The following MAN2A1 variants were observed in gnomAD, a reference collection of about 807,000 sequenced individuals.
MAN2A1 encodes alpha-mannosidase 2.
In MAN2A1, 76 loss-of-function variants were observed where a neutral mutation model predicts 142.6. The observed-to-expected ratio is 0.53, with a 90% confidence interval of 0.44 to 0.65. The LOEUF (loss-of-function observed/expected upper bound fraction) is 0.65, where lower values mean the gene tolerates loss of function less well. Among genes scored for constraint, MAN2A1 ranks in the 30% least tolerant of loss-of-function variants. The pLI is 0.00. For synonymous variants in MAN2A1, 559 were observed against 473.2 expected (o/e 1.18, Z -2.35); for missense variants, 1,311 against 1,365.1 (o/e 0.96, Z 0.62).
At chr5:109,842,235 T>G in intron 16 of MAN2A1, 93 bp from the exon 17 acceptor site, 1 of 714,308 alleles carries the variant, frequency 1.4e-6, no homozygotes, top group Non-Finnish European at 2.2e-6. Context: ...AACAAGAAAA[T>G]GTAACTTTGG....
In MAN2A1 at chr5:109,690,304, C is replaced by G; in HGVS notation, c.-114C>G. The G allele has an allele frequency of 9.0e-7, 1 of 1,116,832 alleles. No homozygotes were observed. The highest frequency in any genetic ancestry group is 1.3e-5 in the South Asian group (1 of 75,746). 69.2% of individuals were successfully genotyped at this position (1,116,832 alleles called of 1,614,324 possible). A position where few individuals can be genotyped will look rare whatever the true frequency, so the allele number is the denominator to read the frequency against. The stretch of plus-strand genomic sequence containing the variant: ...GGACTCGCACCCGCATCCGAGAGCG[C>G]GGAGGTCGCGCAGCCCGGGAGAAGG... On this transcript the variant is annotated 5_prime_UTR_variant, in exon 1 of 22. Coordinates refer to ENST00000261483, the MANE Select transcript of MAN2A1 (RefSeq NM_002372.4).
intron 5 of MAN2A1, among the ~76,000 whole-genome samples, chr5:109,763,956 C>A (rs988635274): frequency 6.6e-6 from 1 of 151,968 alleles, no homozygotes; most frequent in African/African-American, 2.4e-5. Context: ...TGCTTGTCAC[C>A]GCACCTGGCT....
chr5:109,710,457 A>G (rs549316477), intron 1 of MAN2A1, among the ~76,000 whole-genome samples: 12 of 152,254 alleles, frequency 7.9e-5, no homozygotes, highest in East Asian at 7.7e-4. Context: ...GTGGGCACTC[A>G]TGTATTAAGT....
chr5:109,840,256 G>A (rs1294150077), intron 16 of MAN2A1: 1 of 277,912 alleles, frequency 3.6e-6, no homozygotes. Flanking sequence ...CAAGCAATTT[G>A]AAGAGTTTTT....
chr5:109,819,673 C>G lies in MAN2A1; in HGVS notation c.2114C>G (p.Ser705Cys), dbSNP rs368781576. The change falls in exon 14 of 22, where the codon TCT (serine) becomes TGT (cysteine). Residue 705 changes from serine (S) to cysteine (C), a missense_variant. Around this residue, in one of 3 missense-constraint regions of MAN2A1, gnomAD observed 890 missense variants for 920.5 expected, o/e 0.97. Coordinates refer to ENST00000261483, the MANE Select transcript of MAN2A1 (RefSeq NM_002372.4). ...NTISETAYEI[S>C]FRAHIPPLGL... ...TCCCTTCCCTATCTTTTAAAGATCT[C>G]TTTTCGAGCACATATACCGCCATTG... The G allele has an allele frequency of 6.4e-7, 1 of 1,562,756 alleles. No homozygotes were observed. Among genetic ancestry groups the G allele is most frequent in the Non-Finnish European group, 8.7e-7 (1 of 1,155,826 alleles).
chr5:109,700,485 C>G (rs191266458), intron 1 of MAN2A1, among the ~76,000 whole-genome samples: 148 of 152,172 alleles, frequency 9.7e-4, no homozygotes, highest in African/African-American at 3.0e-3. Flanking sequence ...TTTATGGGTC[C>G]TGGCCTTGGT....
At chr5:109,769,621 T>C (rs1228498945) in intron 6 of MAN2A1, among the ~76,000 whole-genome samples, 2 of 152,244 alleles carry the variant, frequency 1.3e-5, no homozygotes, top group Non-Finnish European at 2.9e-5. Flanking sequence ...GATAACATTG[T>C]AGTTTTAATT....
At chr5:109,800,963 C>T (rs1345956977) in intron 12 of MAN2A1, among the ~76,000 whole-genome samples, 1 of 152,168 alleles carries the variant, frequency 6.6e-6, no homozygotes, top group Admixed American at 6.5e-5. Context: ...AGAATCATCT[C>T]GCATTCATTG....
At chr5:109,813,705 A>G (rs181378383) in intron 12 of MAN2A1, among the ~76,000 whole-genome samples, 109 of 152,356 alleles carry the variant, frequency 7.2e-4, no homozygotes, top group African/African-American at 2.6e-3. Flanking sequence ...GATTTACCTC[A>G]AAGAGAAAAT....
intron 8 of MAN2A1, among the ~76,000 whole-genome samples, chr5:109,780,611 A>ATAATCTGTTTATTTTTGACAGGACTGCCT: frequency 6.6e-6 from 1 of 152,218 alleles, no homozygotes; most frequent in South Asian, 2.1e-4. Flanking sequence ...TCCCTGTTAA[A>ATAATCTGTTTATTTTTGACAGGACTGCCT]TAATCTGTTT....
chr5:109,738,045 G>C (rs1237748865), intron 4 of MAN2A1, among the ~76,000 whole-genome samples: 5 of 152,126 alleles, frequency 3.3e-5, no homozygotes, highest in Non-Finnish European at 1.5e-5. Flanking sequence ...GCTGCGTGAA[G>C]TTTTGTACCT....
At chr5:109,822,215 C>T (rs780324365) in intron 15 of MAN2A1, among the ~76,000 whole-genome samples, 9 of 146,322 alleles carry the variant, frequency 6.2e-5, no homozygotes, top group Non-Finnish European at 1.2e-4. Context: ...AGACAAACTA[C>T]AACTCATATG....
chr5:109,726,653 T>C (rs1317862014), intron 3 of MAN2A1, among the ~76,000 whole-genome samples: 2 of 152,194 alleles, frequency 1.3e-5, no homozygotes, highest in African/African-American at 4.8e-5. Flanking sequence ...AACTCTTTTT[T>C]GAAATGGCCT....
intron 16 of MAN2A1, among the ~76,000 whole-genome samples, chr5:109,828,737 C>T (rs575876150): frequency 6.6e-6 from 1 of 152,104 alleles, no homozygotes; most frequent in Non-Finnish European, 1.5e-5. Context: ...CTGTTTTCCA[C>T]CAACATATTA....
At chr5:109,697,014 T>G (rs1750833174) in intron 1 of MAN2A1, among the ~76,000 whole-genome samples, 1 of 152,232 alleles carries the variant, frequency 6.6e-6, no homozygotes, top group African/African-American at 2.4e-5. Context: ...CTTTTCCAAT[T>G]GGACGTGTGT....
intron 4 of MAN2A1, among the ~76,000 whole-genome samples, chr5:109,737,369 C>T (rs927124840): frequency 3.3e-5 from 5 of 152,118 alleles, no homozygotes; most frequent in Admixed American, 6.6e-5. Context: ...CTGCCTCAGC[C>T]TCCCAAAGTT....
chr5:109,785,520 A>T (rs1753574453), intron 10 of MAN2A1, among the ~76,000 whole-genome samples: 1 of 152,132 alleles, frequency 6.6e-6, no homozygotes. Context: ...AAGGGCTCTC[A>T]GATGGGCAAG....
chr5:109,708,547 T>A (rs6877790), intron 1 of MAN2A1, among the ~76,000 whole-genome samples: 10 of 99,606 alleles, frequency 1.0e-4, no homozygotes, highest in Non-Finnish European at 1.5e-4. Flanking sequence ...CACACACACA[T>A]GAGAAGGGAG....
chr5:109,867,128 T>C lies in MAN2A1; in HGVS notation c.*130T>C. The C allele has an allele frequency of 1.8e-6, 1 of 571,340 alleles. No homozygotes were observed. The highest frequency in any genetic ancestry group is 3.3e-5 in the Admixed American group (1 of 30,192). 35.4% of individuals were successfully genotyped at this position (571,340 alleles called of 1,614,324 possible). ...CATGAATTCTGTGATTCTGTGGGTT[T>C]TTTCTTTTTTCTTTTACCAGTACAG... On this transcript the variant is annotated 3_prime_UTR_variant, in exon 22 of 22. Transcript: ENST00000261483.
Sources: gnomAD v4.1 joint callset for allele counts (sites outside exome capture counted in the v4.1 genomes callset) on GRCh38, gnomAD v4.1.1 for gene constraint, gnomAD v4.1.1 regional missense constraint, MANE v1.5 for transcripts, NCBI Gene and HGNC (gene_info 2026-07-23, HGNC 2026-07-21) for gene names.